Variants in TXLNB observed in about 807,000 individuals in gnomAD.
TXLNB encodes taxilin beta.
Under a neutral mutation model 57.4 loss-of-function variants are expected in TXLNB, and 37 were observed. The ratio of observed to expected loss-of-function variants is 0.64; its 90% CI spans 0.50 to 0.85. The LOEUF is 0.85. Among genes scored for constraint, TXLNB ranks in the 40% least tolerant of loss-of-function variants. The probability of loss-of-function intolerance (pLI) is 0.00; values close to 1 mark genes in which losing one functional copy is unlikely to be tolerated. For synonymous variants in TXLNB, 302 were observed against 309.6 expected (o/e 0.98, Z 0.26); for missense variants, 848 against 825.6 (o/e 1.03, Z -0.33).
At chr6:139,189,196 ATTGCAAAGGAGG>A in the TXLNB span, among the ~76,000 whole-genome samples, 4 of 152,248 alleles carry the variant, frequency 2.6e-5, no homozygotes. Flanking sequence ...GGGTAAAAGC[ATTGCAAAGGAGG>A]TGACAGGCGT....
the TXLNB span, among the ~76,000 whole-genome samples, chr6:139,189,519 G>A: frequency 2.0e-5 from 3 of 152,286 alleles, no homozygotes; most frequent in South Asian, 6.2e-4. Flanking sequence ...TATTAATTAT[G>A]AGTCTGAGGA....
chr6:139,320,907 T>C, the TXLNB span, among the ~76,000 whole-genome samples: 2 of 152,140 alleles, frequency 1.3e-5, no homozygotes, highest in South Asian at 4.1e-4. Flanking sequence ...ATGTATTTGT[T>C]AGAGCTACAG....
intron 7 of TXLNB, among the ~76,000 whole-genome samples, chr6:139,251,016 C>T (rs950481829): frequency 6.6e-6 from 1 of 152,156 alleles, no homozygotes; most frequent in Non-Finnish European, 1.5e-5. Context: ...ATTAATTGGG[C>T]AGATTTTGTT....
chr6:139,189,885 C>T, the TXLNB span, among the ~76,000 whole-genome samples: 1 of 152,164 alleles, frequency 6.6e-6, no homozygotes, highest in Non-Finnish European at 1.5e-5. Flanking sequence ...AATGTCACTC[C>T]AAGTAGGCTC....
chr6:139,242,650 A>C lies in TXLNB; in HGVS notation c.1931T>G (p.Met644Arg), dbSNP rs199698532. Reference sequence around the variant, plus strand: ...CCTACTGGGCTCGCATGCAGGCACCATGGCTGCAACGTGCTCTTCTGCTGC... The same window carrying C: ...CCTACTGGGCTCGCATGCAGGCACCCTGGCTGCAACGTGCTCTTCTGCTGC... The part of the protein sequence containing the change: ...ACAAEEHVAA[M>R]VPACEPSRQP... Residue 644 changes from methionine to arginine, a missense_variant, in exon 10 of 10, where the codon ATG becomes AGG. By Grantham distance (91) the Met-to-Arg change is moderately conservative (BLOSUM62 -1). Coordinates refer to ENST00000358430, the MANE Select transcript of TXLNB (RefSeq NM_153235.4). 6.2e-7 allele frequency: 1 copy of C among 1,609,110 alleles called. No homozygotes were observed. The highest frequency in any genetic ancestry group is 8.5e-7 in the Non-Finnish European group (1 of 1,177,994).
the TXLNB span, among the ~76,000 whole-genome samples, chr6:139,222,259 A>C: frequency 1.3e-5 from 2 of 152,218 alleles, no homozygotes; most frequent in Non-Finnish European, 2.9e-5. Context: ...AAAAGTGTGG[A>C]GAAAGATACA....
At chr6:139,319,719 G>C in the TXLNB span, among the ~76,000 whole-genome samples, 1 of 152,048 alleles carries the variant, frequency 6.6e-6, no homozygotes, top group Non-Finnish European at 1.5e-5. Context: ...AGCCATGATT[G>C]TGCCATCTGC....
rs529438229 is a variant in TXLNB, at chr6:139,248,972, T to C, written c.1078-1063A>G. On this transcript the variant is annotated intron_variant, in intron 7 of 9. Coordinates refer to ENST00000358430, the MANE Select transcript of TXLNB (RefSeq NM_153235.4). ...AATATAGCATTCTAGCCAATAGCAG[T>C]TAAATGTCCCTTTTTATCAAAATCA... 2.0e-4 allele frequency among the ~76,000 whole-genome samples: 30 copies of C among 152,384 alleles called. 1 individual carries two copies. In the South Asian group the frequency reaches 6.2e-3, roughly 32 times the overall value.
Position 139,240,113 on chromosome 6 carries a change from T to G in TXLNB, c.*2413A>C, listed in dbSNP as rs1775896269. On this transcript the variant is annotated 3_prime_UTR_variant, in exon 10 of 10. Transcript: ENST00000358430. ...GATATATAAATTATAGTTATTTAAC[T>G]TAGAAAACAATAACTTTAGTGTTTC... 1 of 152,616 alleles carries G rather than the reference T, an allele frequency of 6.6e-6. No homozygotes were observed. The highest frequency in any genetic ancestry group is 2.4e-5 in the African/African-American group (1 of 41,450). 9.5% of individuals were successfully genotyped at this position (152,616 alleles called of 1,614,324 possible).
chr6:139,288,421 C>T (rs1777225602), intron 2 of TXLNB, 55 bp downstream of exon 2: 34 of 1,511,420 alleles, frequency 2.2e-5, no homozygotes, highest in Non-Finnish European at 3.0e-5. Context: ...GAAGAAGTGC[C>T]CCTTTTTTAG....
At chr6:139,193,241 C>CTTTTTTTTTTTTTT in the TXLNB span, among the ~76,000 whole-genome samples, 16 of 101,210 alleles carry the variant, frequency 1.6e-4, 1 homozygote, top group Non-Finnish European at 2.6e-4. Context: ...CTTTGACCCT[C>CTTTTTTTTTTTTTT]TTTTTTTTTT....
At chr6:139,232,207 CATGG>C in the TXLNB span, among the ~76,000 whole-genome samples, 1 of 152,212 alleles carries the variant, frequency 6.6e-6, no homozygotes, top group South Asian at 2.1e-4. Context: ...GCACATCTTA[CATGG>C]TGGCAGGCCA....
At chr6:139,298,092 A>G in the TXLNB span, among the ~76,000 whole-genome samples, 1 of 152,236 alleles carries the variant, frequency 6.6e-6, no homozygotes, top group Non-Finnish European at 1.5e-5. Flanking sequence ...TAAAAGTGAA[A>G]TATGATTCCC....
intron 9 of TXLNB, among the ~76,000 whole-genome samples, chr6:139,244,382 G>A (rs1350776994): frequency 6.6e-6 from 1 of 152,040 alleles, no homozygotes; most frequent in Admixed American, 6.6e-5. Flanking sequence ...TGTGACTTAG[G>A]GTCACAAAAC....
intron 8 of TXLNB, among the ~76,000 whole-genome samples, chr6:139,247,298 C>G (rs576963183): frequency 1.3e-5 from 2 of 151,922 alleles, no homozygotes; most frequent in African/African-American, 2.4e-5. Flanking sequence ...CATGCCACCA[C>G]GCCTGGCTAA....
chr6:139,223,998 T>C, the TXLNB span, among the ~76,000 whole-genome samples: 1 of 147,656 alleles, frequency 6.8e-6, no homozygotes, highest in Non-Finnish European at 1.5e-5. Flanking sequence ...CATGCACACG[T>C]ATGTTTATTG....
chr6:139,168,410 A>G, the TXLNB span, among the ~76,000 whole-genome samples: 1 of 146,866 alleles, frequency 6.8e-6, no homozygotes, highest in Non-Finnish European at 1.5e-5. Context: ...TTAATTGATT[A>G]TTTTGATTTG....
chr6:139,167,476 C>T, the TXLNB span: 11 of 678,154 alleles, frequency 1.6e-5, no homozygotes, highest in Non-Finnish European at 2.7e-5. Context: ...CAGCTTCGCC[C>T]AGTGACGCGG....
At chr6:139,318,987 G>C in the TXLNB span, among the ~76,000 whole-genome samples, 9 of 140,374 alleles carry the variant, frequency 6.4e-5, no homozygotes, top group African/African-American at 2.4e-4. Context: ...CTGTCACCCA[G>C]GCTGGAGTGC....
Sources: allele counts gnomAD v4.1 joint callset (sites outside exome capture counted in the v4.1 genomes callset), GRCh38; gene constraint gnomAD v4.1.1; transcripts MANE v1.5; gene names NCBI Gene and HGNC (gene_info 2026-07-23, HGNC 2026-07-21).